OPCML: variants seen among roughly 807,000 people sequenced by gnomAD.
OPCML encodes opioid binding protein/cell adhesion molecule like, also known as opioid-binding protein/cell adhesion molecule.
A neutral mutation model predicts 37.8 loss-of-function variants in OPCML; 13 were observed. The ratio of observed to expected loss-of-function variants is 0.34; its 90% CI spans 0.22 to 0.55. The LOEUF is 0.55. OPCML is among the 20% of genes least tolerant of loss of function. The pLI, the probability that OPCML is intolerant of heterozygous loss-of-function variation, is 0.91. For missense variants in OPCML, 341 were observed against 435.6 expected, an observed-to-expected ratio of 0.78 and a Z score of 1.93; for synonymous variants, 176 against 168.8, an observed-to-expected ratio of 1.04 and a Z score of -0.33.
intron 2 of OPCML, among the ~76,000 whole-genome samples, chr11:132,773,546 T>C (rs1006896384): frequency 6.6e-6 from 1 of 152,198 alleles, no homozygotes; most frequent in African/African-American, 2.4e-5. Context: ...TAGAAAAGTC[T>C]CAGCATCATG....
chr11:132,844,917 A>G, intron 2 of OPCML, among the ~76,000 whole-genome samples: 1 of 150,972 alleles, frequency 6.6e-6, no homozygotes, highest in South Asian at 2.1e-4. Context: ...ATTAAGAGAG[A>G]GAAAGAACAT....
intron 4 of OPCML, among the ~76,000 whole-genome samples, chr11:132,469,786 G>GTGTA (rs376542978): frequency 1.6e-5 from 2 of 122,264 alleles, no homozygotes; most frequent in African/African-American, 5.9e-5. Flanking sequence ...GGAGGGGTGT[G>GTGTA]TGTGTGGAGG....
At chr11:132,572,055 T>C (rs768517758) in intron 3 of OPCML, among the ~76,000 whole-genome samples, 1 of 152,142 alleles carries the variant, frequency 6.6e-6, no homozygotes, top group Non-Finnish European at 1.5e-5. Context: ...TGGCCATTTG[T>C]ATGTCTTCTT....
chr11:132,593,808 C>T (rs1002281095), intron 3 of OPCML, among the ~76,000 whole-genome samples: 5 of 152,260 alleles, frequency 3.3e-5, no homozygotes, highest in East Asian at 1.9e-4. Flanking sequence ...ATTACTGATA[C>T]TTGTCCTGTA....
intron 1 of OPCML, among the ~76,000 whole-genome samples, chr11:133,144,918 G>A (rs959555319): frequency 3.3e-5 from 5 of 152,130 alleles, no homozygotes; most frequent in East Asian, 1.9e-4. Flanking sequence ...TAGCACAGCC[G>A]AGCAGCGAAT....
chr11:132,544,262 C>A (rs1228374746), intron 3 of OPCML, among the ~76,000 whole-genome samples: 15 of 152,092 alleles, frequency 9.9e-5, no homozygotes. Context: ...CATAACGTCA[C>A]CGGAAGCTTC....
chr11:133,520,929 C>T (rs1025583853), intron 1 of OPCML, among the ~76,000 whole-genome samples: 7 of 152,148 alleles, frequency 4.6e-5, no homozygotes, highest in African/African-American at 1.7e-4. Flanking sequence ...TTGACTCATG[C>T]CTGGGAAGTG....
intron 2 of OPCML, among the ~76,000 whole-genome samples, chr11:132,858,097 T>G (rs937688424): frequency 1.3e-5 from 2 of 152,150 alleles, no homozygotes; most frequent in Non-Finnish European, 2.9e-5. Flanking sequence ...ACATGTAAAC[T>G]CCACTCATTG....
chr11:133,049,784 T>C (rs1948095795), intron 1 of OPCML, among the ~76,000 whole-genome samples: 1 of 152,208 alleles, frequency 6.6e-6, no homozygotes, highest in African/African-American at 2.4e-5. Flanking sequence ...TCTTTATGTG[T>C]CAGCTCAGCT....
intron 2 of OPCML, among the ~76,000 whole-genome samples, chr11:132,795,522 A>T (rs1938254177): frequency 6.6e-6 from 1 of 152,204 alleles, no homozygotes; most frequent in South Asian, 2.1e-4. Flanking sequence ...AACGAGCCAA[A>T]TTTAACCTAT....
chr11:133,514,678 A>G (rs1406083982), intron 1 of OPCML, among the ~76,000 whole-genome samples: 1 of 152,166 alleles, frequency 6.6e-6, no homozygotes, highest in Non-Finnish European at 1.5e-5. Flanking sequence ...TCAAAACTCT[A>G]TTGCCATAAC....
At chr11:132,669,760 C>A (rs568440440) in intron 2 of OPCML, among the ~76,000 whole-genome samples, 1 of 152,284 alleles carries the variant, frequency 6.6e-6, no homozygotes, top group African/African-American at 2.4e-5. Flanking sequence ...GATAAAAAGT[C>A]TCTTCTTTCC....
At chr11:132,613,544 A>G (rs571072837) in intron 3 of OPCML, among the ~76,000 whole-genome samples, 1 of 152,274 alleles carries the variant, frequency 6.6e-6, no homozygotes, top group African/African-American at 2.4e-5. Flanking sequence ...CCCAAGAAAC[A>G]CTTCAAAGAA....
intron 2 of OPCML, among the ~76,000 whole-genome samples, chr11:132,814,367 G>A (rs10894613): frequency 0.58 from 88,770 of 152,012 alleles, 26,725 homozygotes; most frequent in Non-Finnish European, 0.67. Context: ...GGAGCCCCAG[G>A]AAAACCAGTG....
intron 1 of OPCML, among the ~76,000 whole-genome samples, chr11:133,431,689 T>C (rs897090855): frequency 2.0e-5 from 3 of 151,502 alleles, no homozygotes; most frequent in Non-Finnish European, 4.4e-5. Flanking sequence ...GGTCTGGAAC[T>C]CTCCACCTCA....
intron 2 of OPCML, among the ~76,000 whole-genome samples, chr11:132,680,261 C>G (rs956750999): frequency 6.6e-6 from 1 of 152,180 alleles, no homozygotes; most frequent in Non-Finnish European, 1.5e-5. Flanking sequence ...CCCACTTTAT[C>G]ATGGGCCCTC....
chr11:132,764,179 G>T (rs772857842), intron 2 of OPCML, among the ~76,000 whole-genome samples: 1 of 152,214 alleles, frequency 6.6e-6, no homozygotes, highest in African/African-American at 2.4e-5. Context: ...TACCAGCTCC[G>T]CTGTGGTCAT....
intron 2 of OPCML, among the ~76,000 whole-genome samples, chr11:132,741,495 AG>A (rs1945431798): frequency 6.6e-6 from 1 of 152,206 alleles, no homozygotes; most frequent in African/African-American, 2.4e-5. Context: ...CTTCCACAAA[AG>A]GATAGTTGTT....
At chr11:132,616,963 T>C (rs1939069738) in intron 3 of OPCML, among the ~76,000 whole-genome samples, 1 of 152,364 alleles carries the variant, frequency 6.6e-6, no homozygotes, top group South Asian at 2.1e-4. Flanking sequence ...CATTTTAATA[T>C]TTTTAATGGT....
Sources: allele counts gnomAD v4.1 joint callset (sites outside exome capture counted in the v4.1 genomes callset), GRCh38; gene constraint gnomAD v4.1.1; transcripts MANE v1.5; gene names NCBI Gene and HGNC (gene_info 2026-07-23, HGNC 2026-07-21).